Variants in PRR36 observed in about 807,000 individuals in gnomAD.
The protein encoded by PRR36 is proline rich 36, also known as proline-rich protein 36.
PRR36 carries 30 observed loss-of-function variants against 58.6 expected under a neutral mutation model. The ratio of observed to expected loss-of-function variants is 0.51; its 90% CI spans 0.38 to 0.69. The LOEUF (loss-of-function observed/expected upper bound fraction) is 0.69, where lower values mean the gene tolerates loss of function less well. Among genes scored for constraint, PRR36 ranks in the 30% least tolerant of loss-of-function variants. PRR36 has a pLI of 0.00. For synonymous variants in PRR36, 771 were observed against 829.3 expected, an observed-to-expected ratio of 0.93 and a Z score of 1.21; for missense variants, 1,692 against 1,805.6, an observed-to-expected ratio of 0.94 and a Z score of 1.14.
In PRR36 at chr19:7,870,433, TG is replaced by T; in HGVS notation, c.2810del (p.Pro937GlnfsTer158). 1 of 240,034 alleles carries T rather than the reference TG, an allele frequency of 4.2e-6. No individual in the cohort carries two copies. The allele number at this position is 240,034 out of a possible 1,614,324, so 14.9% of individuals were successfully genotyped here. The part of the protein sequence containing the change: ...QVPPSPPASP[P>X]MSPSATPPPQ... ...GAGGGGGCGTGGCTGAAGGAGACAT[TG>T]GGGGAGAGGCAGGGGGAGAGGGTGG... On this transcript the variant is annotated frameshift_variant, in exon 5 of 6. Coordinates refer to ENST00000618550, the MANE Select transcript of PRR36 (RefSeq NM_001190467.2). LOFTEE classifies it high-confidence loss of function.
Position 7,873,311 on chromosome 19 carries a change from A to G in PRR36, c.272-12T>C. On this transcript the variant is annotated splice_polypyrimidine_tract_variant and intron_variant, in intron 2 of 5. Coordinates refer to ENST00000618550, the MANE Select transcript of PRR36 (RefSeq NM_001190467.2). This position sits in a 1 kb window ranked among gnomAD's most constrained non-coding sequence, Gnocchi z 5.0. ...TGGGGGCCTGGAGGCTGCGGGGAGA[A>G]GGCCGAGTCACAGGTGCCCCGGAGA... The G allele has an allele frequency of 6.5e-7, 1 of 1,528,558 alleles. No individual in the cohort carries two copies. Among genetic ancestry groups the G allele is most frequent in the Non-Finnish European group, 8.7e-7 (1 of 1,143,310 alleles). 94.7% of individuals were successfully genotyped at this position (1,528,558 alleles called of 1,614,324 possible).
In PRR36 at chr19:7,873,498, G is replaced by GC. The variant is rs1327235205; in HGVS notation, c.191dup (p.Ile65HisfsTer52). 1.6e-5 allele frequency: 25 copies of GC among 1,535,366 alleles called. No homozygotes were observed. Among genetic ancestry groups the GC allele is most frequent in the Non-Finnish European group, 2.1e-5 (24 of 1,146,796 alleles). ...ACTCGGGAATAGTGGCCCCGCCGAT[G>GC]CCCCCCGCTCGCTCTGCCAGAGGCT... is the stretch of plus-strand genomic sequence containing the variant. On this transcript the variant is annotated frameshift_variant, in exon 2 of 6. Transcript: ENST00000618550. LOFTEE classifies it high-confidence loss of function. This position sits in a 1 kb window ranked among gnomAD's most constrained non-coding sequence, Gnocchi z 5.0.
chr19:7,869,653 G>C (rs1375548359), intron 5 of PRR36, 62 bp downstream of exon 5: 1 of 1,396,220 alleles, frequency 7.2e-7, no homozygotes, highest in East Asian at 3.1e-5. Flanking sequence ...TCCCGCCCCT[G>C]AGCTGCGAAG....
chr19:7,873,418 C>G lies in PRR36; in HGVS notation c.271+1G>C. On this transcript the variant is annotated splice_donor_variant, in intron 2 of 5. Transcript: ENST00000618550. LOFTEE classifies it high-confidence loss of function. The surrounding 1 kb of genome is among the most constrained non-coding windows in gnomAD (Gnocchi z 5.0). Reference sequence around the variant, plus strand: ...GGAGCTGAGGAAGGAGGCTGGGGTACCAGGGTTTCGGGAACTTGTCCCAGC... The same window carrying G: ...GGAGCTGAGGAAGGAGGCTGGGGTAGCAGGGTTTCGGGAACTTGTCCCAGC... The G allele has an allele frequency of 6.5e-7, 1 of 1,527,040 alleles. No individual in the cohort carries two copies. Among genetic ancestry groups the G allele is most frequent in the African/African-American group, 1.4e-5 (1 of 72,942 alleles). The allele number at this position is 1,527,040 out of a possible 1,614,324, so 94.6% of individuals were successfully genotyped here.
In PRR36 at chr19:7,870,563, G is replaced by A. The variant is rs1440218133; in HGVS notation, c.2681C>T (p.Pro894Leu). 3 of 1,120,076 alleles carry A rather than the reference G, an allele frequency of 2.7e-6. No individual in the cohort carries two copies. Among genetic ancestry groups the A allele is most frequent in the African/African-American group, 3.9e-5 (2 of 51,328 alleles). 69.4% of individuals were successfully genotyped at this position (1,120,076 alleles called of 1,614,324 possible). A position where few individuals can be genotyped will look rare whatever the true frequency, so the allele number is the denominator to read the frequency against. ...AGGGGGAGAGAAAGGGGCCTGCACT[G>A]GGGGTGAGGGAGGGGGAGAGAAAGG... Reference protein sequence around the residue: ...QAPFSPPPSPPVQAPFSPPAS... With the variant: ...QAPFSPPPSPLVQAPFSPPAS... Residue 894 changes from proline to leucine, a missense_variant, in exon 5 of 6, where the codon CCA becomes CTA. Physicochemically the swap from Pro to Leu is moderately conservative, Grantham distance 98 (BLOSUM62 -3). Around this residue, in one of 5 missense-constraint regions of PRR36, gnomAD observed 171 missense variants for 146.2 expected, o/e 1.17. Transcript: ENST00000618550.
Position 7,872,129 on chromosome 19 carries a change from AGAGG to A in PRR36, c.1111_1114del (p.Pro371Ter). On this transcript the variant is annotated frameshift_variant, in exon 5 of 6. Transcript: ENST00000618550. LOFTEE classifies it high-confidence loss of function. This position sits in a 1 kb window ranked among gnomAD's most constrained non-coding sequence, Gnocchi z 6.1. The stretch of plus-strand genomic sequence containing the variant: ...TGGAGCAGAGGGAGAAGGAGGGGCT[AGAGG>A]AAGGGGCGTGGCCAACTGACAGGTA... 6.6e-7 allele frequency: 1 copy of A among 1,506,530 alleles called. No homozygotes were observed. The highest frequency in any genetic ancestry group is 1.3e-5 in the South Asian group (1 of 79,846). 93.3% of individuals were successfully genotyped at this position (1,506,530 alleles called of 1,614,324 possible).
chr19:7,871,498 G>C lies in PRR36; in HGVS notation c.1746C>G (p.Leu582=). The C allele has an allele frequency of 6.5e-7, 1 of 1,534,988 alleles. No individual in the cohort carries two copies. The highest frequency in any genetic ancestry group is 8.7e-7 in the Non-Finnish European group (1 of 1,146,550). ...GGACCTGTATTGGGGGAATGGTCTG[G>C]AGAGAGGGCGGGGCCTGCATAGGGG... ...TTPPMQAPPS[L]QTIPPIQVPH... The change falls in exon 5 of 6, where the codon CTC becomes CTG. Residue 582 remains leucine (L), a synonymous_variant. Transcript: ENST00000618550.
rs1485062805 is a variant in PRR36, at chr19:7,871,670, AGAG to A, written c.1571_1573del (p.Pro524del). 6.5e-7 allele frequency: 1 copy of A among 1,535,844 alleles called. No individual in the cohort carries two copies. Among genetic ancestry groups the A allele is most frequent in the Non-Finnish European group, 8.7e-7 (1 of 1,146,842 alleles). On this transcript the variant is annotated inframe_deletion, in exon 5 of 6. Coordinates refer to ENST00000618550, the MANE Select transcript of PRR36 (RefSeq NM_001190467.2). ...GGCCTGCAGAGGCAATGTGGCCAGA[AGAG>A]GAGAGTCCTGCAGAGGAAGAGTGGC...
At position 7,873,597 on chromosome 19, in the gene PRR36, G is replaced by T. The variant is rs1189036355; in HGVS notation, c.93C>A (p.Gly31=). 6.5e-7 allele frequency: 1 copy of T among 1,535,008 alleles called. No individual in the cohort carries two copies. The highest frequency in any genetic ancestry group is 1.2e-5 in the South Asian group (1 of 84,022). The part of the protein sequence containing the change: ...APGLLTPRPP[G]SPRPPPPVTP... ...TTACTGGGGGAGGGGGTCGAGGAGA[G>T]CCTGGGGGCCTGGGGGTCAGAAGTC... is the stretch of plus-strand genomic sequence containing the variant. The change falls in exon 2 of 6, where the codon GGC becomes GGA. Residue 31 remains glycine, a synonymous_variant. Coordinates refer to ENST00000618550, the MANE Select transcript of PRR36 (RefSeq NM_001190467.2). This position sits in a 1 kb window ranked among gnomAD's most constrained non-coding sequence, Gnocchi z 5.0.
chr19:7,871,539 G>C lies in PRR36; in HGVS notation c.1705C>G (p.Pro569Ala). 3 of 1,535,630 alleles carry C rather than the reference G, an allele frequency of 2.0e-6. No homozygotes were observed. The highest frequency in any genetic ancestry group is 2.6e-6 in the Non-Finnish European group (3 of 1,146,794). Residue 569 changes from proline to alanine, a missense_variant, in exon 5 of 6, where the codon CCT becomes GCT. Pro to Ala is a conservative substitution (Grantham distance 27, BLOSUM62 -1). Around this residue, in one of 5 missense-constraint regions of PRR36, gnomAD observed 975 missense variants for 955.2 expected, o/e 1.02. Transcript: ENST00000618550. ...TGCATAGGGGGCGTAGTCATAGAAG[G>C]TGGGGCCTGTGGGTGGGGCGGAGCC... is the stretch of plus-strand genomic sequence containing the variant. ...LQAPPHPQAPPSMTTPPMQAP... is the reference protein window; with the variant it reads ...LQAPPHPQAPASMTTPPMQAP...
chr19:7,870,826 G>A lies in PRR36; in HGVS notation c.2418C>T (p.Pro806=). 1 of 1,443,814 alleles carries A rather than the reference G, an allele frequency of 6.9e-7. No homozygotes were observed. Among genetic ancestry groups the A allele is most frequent in the African/African-American group, 1.4e-5 (1 of 69,494 alleles). The allele number at this position is 1,443,814 out of a possible 1,614,324, so 89.4% of individuals were successfully genotyped here. A position where few individuals can be genotyped will look rare whatever the true frequency, so the allele number is the denominator to read the frequency against. Residue 806 remains proline (P), a synonymous_variant, in exon 5 of 6, where the codon CCC becomes CCT. Coordinates refer to ENST00000618550, the MANE Select transcript of PRR36 (RefSeq NM_001190467.2). ...SPLTTPPPET[P]SSIATPPPQA... is the part of the protein sequence containing the mutation. ...GTGGAGGAGGCGTGGCTATGGAAGA[G>A]GGCGTCTCCGGAGGGGGCGTGGTCA... is the stretch of plus-strand genomic sequence containing the variant.
In PRR36 at chr19:7,871,914, G is replaced by C. The variant is rs1231003328; in HGVS notation, c.1330C>G (p.Pro444Ala). The change falls in exon 5 of 6, where the codon CCC (proline) becomes GCC (alanine). Residue 444 changes from proline to alanine, a missense_variant. Coordinates refer to ENST00000618550, the MANE Select transcript of PRR36 (RefSeq NM_001190467.2). ...GGAGAGAGGAGAGTCGGAAGAGAGG[G>C]CAACGCTGGATTAGCTTGGGTGGGG... is the stretch of plus-strand genomic sequence containing the variant. The part of the protein sequence containing the change: ...MPPTQANPAL[P>A]SLPTLLSPLA... 6.5e-7 allele frequency: 1 copy of C among 1,535,938 alleles called. No individual in the cohort carries two copies. Among genetic ancestry groups the C allele is most frequent in the South Asian group, 1.2e-5 (1 of 84,058 alleles).
chr19:7,869,888 A>C lies in PRR36; in HGVS notation c.3356T>G (p.Leu1119Arg). The C allele has an allele frequency of 7.6e-7, 1 of 1,321,828 alleles. No homozygotes were observed. The highest frequency in any genetic ancestry group is 9.6e-7 in the Non-Finnish European group (1 of 1,041,662). 81.9% of individuals were successfully genotyped at this position (1,321,828 alleles called of 1,614,324 possible). ...CGTGGCGCTGCTGCTGTGGCCGGCC[A>C]GGTCTGGGCCGCTCAGCGTGCTGGA... is the stretch of plus-strand genomic sequence containing the variant. ...SPSSTLSGPD[L>R]AGHSSSATST... Residue 1119 changes from leucine to arginine, a missense_variant, in exon 5 of 6, where the codon CTG becomes CGG. This residue lies in a region of PRR36 where 485 missense variants were observed against 549.2 expected (regional missense o/e 0.88). Coordinates refer to ENST00000618550, the MANE Select transcript of PRR36 (RefSeq NM_001190467.2).
rs1980569447 is a variant in PRR36, at chr19:7,873,580, G to C, written c.110C>G (p.Pro37Arg). 2 of 1,534,468 alleles carry C rather than the reference G, an allele frequency of 1.3e-6. No homozygotes were observed. The highest frequency in any genetic ancestry group is 1.7e-6 in the Non-Finnish European group (2 of 1,146,560). The change falls in exon 2 of 6, where the codon CCC (proline) becomes CGC (arginine). Residue 37 changes from proline (P) to arginine (R), a missense_variant. By Grantham distance (103) the Pro-to-Arg change is moderately radical (BLOSUM62 -2). This residue lies in a region of PRR36 where 975 missense variants were observed against 955.2 expected (regional missense o/e 1.02). Transcript: ENST00000618550. The surrounding 1 kb of genome is among the most constrained non-coding windows in gnomAD (Gnocchi z 5.0). Reference protein sequence around the residue: ...PRPPGSPRPPPPVTPAALRVL... With the variant: ...PRPPGSPRPPRPVTPAALRVL... ...TCGGAGGGCTGCGGGAGTTACTGGG[G>C]GAGGGGGTCGAGGAGAGCCTGGGGG...
chr19:7,872,340 A>G lies in PRR36; in HGVS notation c.904T>C (p.Ser302Pro). ...AAPALGPLSS[S>P]PLATPSPSGT... Reference sequence around the variant, plus strand: ...GATGGAGAGGGTGTGGCCAAAGGAGAGGAAGAAAGCGGTCCTAGTGCTGGG... The same window carrying G: ...GATGGAGAGGGTGTGGCCAAAGGAGGGGAAGAAAGCGGTCCTAGTGCTGGG... The change falls in exon 5 of 6, where the codon TCT (serine) becomes CCT (proline). Residue 302 changes from serine to proline, a missense_variant. Ser to Pro is a moderately conservative substitution (Grantham distance 74, BLOSUM62 -1). Coordinates refer to ENST00000618550, the MANE Select transcript of PRR36 (RefSeq NM_001190467.2). The surrounding 1 kb of genome is among the most constrained non-coding windows in gnomAD (Gnocchi z 6.1). The G allele has an allele frequency of 6.9e-7, 1 of 1,452,016 alleles. No homozygotes were observed. Among genetic ancestry groups the G allele is most frequent in the Non-Finnish European group, 9.0e-7 (1 of 1,108,566 alleles). The allele number at this position is 1,452,016 out of a possible 1,614,324, so 89.9% of individuals were successfully genotyped here.
rs1225851811 is a variant in PRR36 at position 7,870,310 on chromosome 19, C to G, written c.2934G>C (p.Arg978=). 8 of 1,057,636 alleles carry G rather than the reference C, an allele frequency of 7.6e-6. No homozygotes were observed. Among genetic ancestry groups the G allele is most frequent in the Non-Finnish European group, 9.1e-6 (8 of 881,588 alleles). The allele number at this position is 1,057,636 out of a possible 1,614,324, so 65.5% of individuals were successfully genotyped here. A position where few individuals can be genotyped will look rare whatever the true frequency, so the allele number is the denominator to read the frequency against. ...PMSPSATPPP[R]VPPLLAAPPL... is the part of the protein sequence containing the mutation. ...GAGGAGCGGCAAGAAGGGGTGGGACCCGTGGAGGGGGCGTGGCCGAAGGAG... is the reference window on the plus strand; with the variant it reads ...GAGGAGCGGCAAGAAGGGGTGGGACGCGTGGAGGGGGCGTGGCCGAAGGAG... Residue 978 remains arginine, a synonymous_variant, in exon 5 of 6, where the codon CGG becomes CGC. Transcript: ENST00000618550.
rs1252401203 is a variant in PRR36, at chr19:7,872,395, A to G, written c.849T>C (p.Pro283=). The change falls in exon 5 of 6, where the codon CCT becomes CCC. Residue 283 remains proline (P), a synonymous_variant. Coordinates refer to ENST00000618550, the MANE Select transcript of PRR36 (RefSeq NM_001190467.2). The surrounding 1 kb of genome is among the most constrained non-coding windows in gnomAD (Gnocchi z 6.1). The part of the protein sequence containing the change: ...KPKGLQALRP[P]QVTPPRKDAA... ...CGTCCTTCCTTGGGGGTGTGACCTGAGGGGGTCGCAGAGCCTGCAGTCCTT... is the reference window on the plus strand; with the variant it reads ...CGTCCTTCCTTGGGGGTGTGACCTGGGGGGGTCGCAGAGCCTGCAGTCCTT... 6.9e-7 allele frequency: 1 copy of G among 1,449,342 alleles called. No individual in the cohort carries two copies. The highest frequency in any genetic ancestry group is 9.0e-7 in the Non-Finnish European group (1 of 1,107,138). The allele number at this position is 1,449,342 out of a possible 1,614,324, so 89.8% of individuals were successfully genotyped here.
At position 7,870,615 on chromosome 19, in the gene PRR36, C is replaced by A; in HGVS notation, c.2629G>T (p.Ala877Ser). 1 of 1,248,104 alleles carries A rather than the reference C, an allele frequency of 8.0e-7. No homozygotes were observed. Among genetic ancestry groups the A allele is most frequent in the South Asian group, 2.2e-5 (1 of 45,338 alleles). The allele number at this position is 1,248,104 out of a possible 1,614,324, so 77.3% of individuals were successfully genotyped here. ...GCCTGCAGAAGGTGCACTGCCAGAG[C>A]ATTTGGGGCCTGTGGAGAGGGTGTG... is the stretch of plus-strand genomic sequence containing the variant. ...LATPSPQAPNALAVHLLQAPF... is the reference protein window; with the variant it reads ...LATPSPQAPNSLAVHLLQAPF... The change falls in exon 5 of 6, where the codon GCT becomes TCT. Residue 877 changes from alanine to serine, a missense_variant. Ala to Ser is a moderately conservative substitution (Grantham distance 99, BLOSUM62 1). Around this residue, in one of 5 missense-constraint regions of PRR36, gnomAD observed 171 missense variants for 146.2 expected, o/e 1.17. Coordinates refer to ENST00000618550, the MANE Select transcript of PRR36 (RefSeq NM_001190467.2).
rs1248547709 is a variant in PRR36 at position 7,873,188 on chromosome 19, G to C, written c.374+9C>G. On this transcript the variant is annotated intron_variant, in intron 3 of 5. Coordinates refer to ENST00000618550, the MANE Select transcript of PRR36 (RefSeq NM_001190467.2). The surrounding 1 kb of genome is among the most constrained non-coding windows in gnomAD (Gnocchi z 5.0). ...GGCTTAGGAGACTGGGGGAGAGGGA[G>C]CAGGTTACCTGGTGGTCCCGCTGGC... 1 of 1,534,780 alleles carries C rather than the reference G, an allele frequency of 6.5e-7. No individual in the cohort carries two copies. The highest frequency in any genetic ancestry group is 8.7e-7 in the Non-Finnish European group (1 of 1,145,826).
Sources: allele counts gnomAD v4.1 joint callset, GRCh38; gene constraint gnomAD v4.1.1; regional missense constraint gnomAD v4.1.1; non-coding constraint Gnocchi (gnomAD v3.1); transcripts MANE v1.5; gene names NCBI Gene and HGNC (gene_info 2026-07-23, HGNC 2026-07-21).